Variants in ILKAP observed in about 807,000 individuals in gnomAD.
ILKAP encodes integrin-linked kinase-associated serine/threonine phosphatase 2C.
ILKAP carries 11 observed loss-of-function variants against 49.1 expected under a neutral mutation model. That is an observed-to-expected ratio of 0.22 (90% CI 0.14 to 0.37). The LOEUF is 0.37. ILKAP is among the 10% of genes least tolerant of loss of function. ILKAP has a pLI of 1.00. For missense variants in ILKAP, 363 were observed against 510.8 expected (o/e 0.71, Z 2.79); for synonymous variants, 186 against 192.8 (o/e 0.96, Z 0.29).
chr2:238,192,466 G>A (rs552555748), intron 3 of ILKAP, among the ~76,000 whole-genome samples: 46 of 152,116 alleles, frequency 3.0e-4, no homozygotes, highest in African/African-American at 8.0e-4. Context: ...TTGGGAGGCC[G>A]AGGCAGGCGG....
Position 238,194,307 on chromosome 2 carries a change from T to C in ILKAP, c.146A>G (p.Asp49Gly). 6.2e-7 allele frequency: 1 copy of C among 1,614,080 alleles called. No individual in the cohort carries two copies. Among genetic ancestry groups the C allele is most frequent in the Non-Finnish European group, 8.5e-7 (1 of 1,179,996 alleles). The change falls in exon 3 of 12, where the codon GAT (aspartate) becomes GGT (glycine). Residue 49 changes from aspartate to glycine, a missense_variant. Asp to Gly is a moderately conservative substitution (Grantham distance 94). Around this residue, in one of 3 missense-constraint regions of ILKAP, gnomAD observed 114 missense variants for 116.0 expected, o/e 0.98. Coordinates refer to ENST00000254654, the MANE Select transcript of ILKAP (RefSeq NM_030768.3). ...DSGSGGPLLF[D>G]DLPPASSGDS... is the part of the protein sequence containing the mutation. ...GCCACTGCTAGCGGGTGGGAGATCATCAAAAAGCAAAGGTCCCCCTGATCC... is the reference window on the plus strand; with the variant it reads ...GCCACTGCTAGCGGGTGGGAGATCACCAAAAAGCAAAGGTCCCCCTGATCC...
intron 9 of ILKAP, 71 bp from the exon 10 acceptor site, chr2:238,173,724 CT>C: frequency 6.6e-7 from 1 of 1,509,486 alleles, no homozygotes; most frequent in South Asian, 1.2e-5. Context: ...AGAATCTCAC[CT>C]TAAAAGCAGA....
chr2:238,176,583 C>G (rs1301818326), intron 9 of ILKAP, among the ~76,000 whole-genome samples: 1 of 152,246 alleles, frequency 6.6e-6, no homozygotes, highest in Non-Finnish European at 1.5e-5. Context: ...AACCAGAAAA[C>G]TGTTTTCCTA....
At chr2:238,182,931 C>G (rs557426637) in intron 8 of ILKAP, among the ~76,000 whole-genome samples, 3 of 152,152 alleles carry the variant, frequency 2.0e-5, no homozygotes, top group African/African-American at 7.2e-5. Flanking sequence ...AATCATCCCC[C>G]CAGAAGCATC....
rs140176846 is a variant in ILKAP, at chr2:238,183,687, T to C, written c.680A>G (p.Asn227Ser). Residue 227 changes from asparagine (N) to serine (S), a missense_variant, in exon 8 of 12, where the codon AAC (asparagine) becomes AGC (serine). Physicochemically the swap from Asn to Ser is conservative, Grantham distance 46 (BLOSUM62 1). Around this residue, in one of 3 missense-constraint regions of ILKAP, gnomAD observed 166 missense variants for 307.3 expected, o/e 0.54. Transcript: ENST00000254654. The part of the protein sequence containing the change: ...STATCVLAVD[N>S]ILYIANLGDS... ...TCCGAGGTTGGCAATATAAAGAATGTTGTCTACAGCCAGAACACACGTGGC... is the reference window on the plus strand; with the variant it reads ...TCCGAGGTTGGCAATATAAAGAATGCTGTCTACAGCCAGAACACACGTGGC... 11 of 1,613,180 alleles carry C rather than the reference T, an allele frequency of 6.8e-6. No individual in the cohort carries two copies. Among genetic ancestry groups the C allele is most frequent in the Non-Finnish European group, 9.3e-6 (11 of 1,179,820 alleles).
chr2:238,176,028 C>T (rs1010703830), intron 9 of ILKAP, among the ~76,000 whole-genome samples: 1 of 152,068 alleles, frequency 6.6e-6, no homozygotes, highest in Admixed American at 6.5e-5. Flanking sequence ...AGGTTCTCCC[C>T]GTTGCCCAGT....
rs78806474 is a variant in ILKAP at position 238,173,720 on chromosome 2, T to G, written c.837-67A>C. On this transcript the variant is annotated intron_variant, in intron 9 of 11. Coordinates refer to ENST00000254654, the MANE Select transcript of ILKAP (RefSeq NM_030768.3). ...TTATGGGTCCACAGTACTTAGAATC[T>G]CACCTTAAAAGCAGAGAATGGAAGT... 833 of 1,532,334 alleles carry G rather than the reference T, an allele frequency of 5.4e-4. 5 individuals are homozygous for G. The African/African-American group carries it at 0.01, about 19-fold the overall frequency. The allele number at this position is 1,532,334 out of a possible 1,614,324, so 94.9% of individuals were successfully genotyped here.
intron 9 of ILKAP, among the ~76,000 whole-genome samples, chr2:238,176,540 G>C (rs1460162645): frequency 6.6e-6 from 1 of 152,210 alleles, no homozygotes; most frequent in Non-Finnish European, 1.5e-5. Context: ...CTTTTGCTTT[G>C]TGCTGCTTTA....
intron 7 of ILKAP, 116 bp from the exon 8 acceptor site, chr2:238,183,856 C>T: frequency 1.0e-6 from 1 of 995,646 alleles, no homozygotes; most frequent in South Asian, 1.5e-5. Flanking sequence ...TTCCTTGATA[C>T]TTGCTTTTTT....
rs1559305089 is a variant in ILKAP, at chr2:238,203,492, C to A, written c.55+7G>T. On this transcript the variant is annotated splice_region_variant and intron_variant, in intron 1 of 11. Coordinates refer to ENST00000254654, the MANE Select transcript of ILKAP (RefSeq NM_030768.3). ...TCCCTGGCCGGCCCGGCGGCAACGC[C>A]GCTTACCGGCAGCCGGGCGCGGCGA... 9 of 1,251,202 alleles carry A rather than the reference C, an allele frequency of 7.2e-6. No homozygotes were observed. In the East Asian group the frequency reaches 3.3e-4, roughly 45 times the overall value. The allele number at this position is 1,251,202 out of a possible 1,614,324, so 77.5% of individuals were successfully genotyped here.
chr2:238,178,399 G>A (rs1195550439), intron 9 of ILKAP, among the ~76,000 whole-genome samples: 2 of 152,124 alleles, frequency 1.3e-5, no homozygotes, highest in African/African-American at 4.8e-5. Context: ...GCGTTGCCCA[G>A]GCTTCTCTCA....
intron 1 of ILKAP, among the ~76,000 whole-genome samples, chr2:238,200,918 G>C (rs1026503553): frequency 2.0e-5 from 3 of 152,254 alleles, no homozygotes; most frequent in Admixed American, 2.0e-4. Flanking sequence ...TACAGTAACA[G>C]TGGCAAGTGT....
intron 9 of ILKAP, among the ~76,000 whole-genome samples, chr2:238,180,160 T>TCTCTCTCAAAAA (rs1693627750): frequency 6.9e-6 from 1 of 145,862 alleles, no homozygotes; most frequent in African/African-American, 2.5e-5. Flanking sequence ...ATCAAGATTC[T>TCTCTCTCAAAAA]CTCTCTCAAA....
At chr2:238,196,738 A>G (rs1048879315) in intron 1 of ILKAP, among the ~76,000 whole-genome samples, 6 of 152,348 alleles carry the variant, frequency 3.9e-5, no homozygotes, top group African/African-American at 1.4e-4. Flanking sequence ...TTCCTGAGTT[A>G]ACAAAAAATA....
chr2:238,180,419 T>A (rs548110309), intron 9 of ILKAP, among the ~76,000 whole-genome samples: 2 of 152,372 alleles, frequency 1.3e-5, no homozygotes, highest in African/African-American at 4.8e-5. Context: ...TAGGCTGTTA[T>A]GTCATCATAT....
rs1694665643 is a variant in ILKAP at position 238,203,504 on chromosome 2, G to A, written c.50C>T (p.Ala17Val). The change falls in exon 1 of 12, where the codon GCT becomes GTT. Residue 17 changes from alanine to valine, a missense_variant. This residue lies in a region of ILKAP where 114 missense variants were observed against 116.0 expected (regional missense o/e 0.98). Coordinates refer to ENST00000254654, the MANE Select transcript of ILKAP (RefSeq NM_030768.3). ...CCGGCGGCAACGCCGCTTACCGGCA[G>A]CCGGGCGCGGCGAGCGCTCGGGCTC... ...LPEPERSPRP[A>V]AGKEAQKGPL... 8.0e-7 allele frequency: 1 copy of A among 1,252,938 alleles called. No homozygotes were observed. The highest frequency in any genetic ancestry group is 1.0e-6 in the Non-Finnish European group (1 of 987,538). 77.6% of individuals were successfully genotyped at this position (1,252,938 alleles called of 1,614,324 possible).
chr2:238,192,291 T>C (rs1694163425), intron 3 of ILKAP, among the ~76,000 whole-genome samples: 1 of 152,194 alleles, frequency 6.6e-6, no homozygotes, highest in Non-Finnish European at 1.5e-5. Context: ...TATTGACTTC[T>C]AAGCAAATTA....
Position 238,182,282 on chromosome 2 carries a change from A to C in ILKAP, c.715-96T>G, listed in dbSNP as rs998478469. On this transcript the variant is annotated intron_variant, in intron 8 of 11. Transcript: ENST00000254654. ...AACAGTTAACAATGGAGTTTGAAGAAAACAGTTAACAATGGAGTTTCACAT... is the reference window on the plus strand; with the variant it reads ...AACAGTTAACAATGGAGTTTGAAGACAACAGTTAACAATGGAGTTTCACAT... The C allele has an allele frequency of 4.9e-6, 7 of 1,430,760 alleles. No individual in the cohort carries two copies. In the Admixed American group the frequency reaches 7.3e-5, roughly 15 times the overall value. 88.6% of individuals were successfully genotyped at this position (1,430,760 alleles called of 1,614,324 possible).
intron 9 of ILKAP, 45 bp from the exon 10 acceptor site, chr2:238,173,698 T>G: frequency 6.2e-7 from 1 of 1,601,782 alleles, no homozygotes; most frequent in South Asian, 1.1e-5. Flanking sequence ...TGACAGATTA[T>G]GGGTCCACAG....
Sources: gnomAD v4.1 joint callset for allele counts (sites outside exome capture counted in the v4.1 genomes callset) on GRCh38, gnomAD v4.1.1 for gene constraint, gnomAD v4.1.1 regional missense constraint, MANE v1.5 for transcripts, NCBI Gene and HGNC (gene_info 2026-07-23, HGNC 2026-07-21) for gene names.